The following LRRC7 variants were observed in gnomAD, a reference collection of about 807,000 sequenced individuals.
LRRC7 encodes leucine-rich repeat-containing protein 7.
Under a neutral mutation model 175.7 loss-of-function variants are expected in LRRC7, and 23 were observed. The ratio of observed to expected loss-of-function variants is 0.13; its 90% CI spans 0.09 to 0.19. LRRC7 has a LOEUF of 0.19. Among genes scored for constraint, LRRC7 ranks in the 10% least tolerant of loss-of-function variants. The pLI, the probability that LRRC7 is intolerant of heterozygous loss-of-function variation, is 1.00. For missense variants in LRRC7, 1,354 were observed against 1,904.7 expected, an observed-to-expected ratio of 0.71 and a Z score of 5.38; for synonymous variants, 685 against 680.9, an observed-to-expected ratio of 1.01 and a Z score of -0.09.
At chr1:69,816,401 A>G (rs979266312) in intron 4 of LRRC7, among the ~76,000 whole-genome samples, 13 of 152,204 alleles carry the variant, frequency 8.5e-5, no homozygotes, top group Admixed American at 3.3e-4. Context: ...ATTTCAACAC[A>G]TGAACTTGGG....
intron 8 of LRRC7, among the ~76,000 whole-genome samples, chr1:69,939,532 G>C (rs1194383556): frequency 6.6e-6 from 1 of 152,006 alleles, no homozygotes; most frequent in Non-Finnish European, 1.5e-5. Flanking sequence ...GCCTAACATG[G>C]AGCCACTTGT....
chr1:69,809,032 A>T (rs1370069502), intron 4 of LRRC7, among the ~76,000 whole-genome samples: 1 of 152,210 alleles, frequency 6.6e-6, no homozygotes, highest in Non-Finnish European at 1.5e-5. Context: ...TGCTAGCCAG[A>T]CTAATAAAGA....
chr1:69,679,692 T>A (rs1415758653), intron 2 of LRRC7, among the ~76,000 whole-genome samples: 1 of 152,172 alleles, frequency 6.6e-6, no homozygotes, highest in African/African-American at 2.4e-5. Flanking sequence ...GTTTCTTCTC[T>A]ATGCTTCAAG....
At chr1:69,888,275 G>C (rs1214034941) in intron 7 of LRRC7, among the ~76,000 whole-genome samples, 6 of 152,158 alleles carry the variant, frequency 3.9e-5, no homozygotes, top group African/African-American at 1.2e-4. Context: ...GCGAGACTCT[G>C]TGGGCGTAGG....
intron 23 of LRRC7, among the ~76,000 whole-genome samples, chr1:70,058,256 C>A (rs1661303329): frequency 6.6e-6 from 1 of 152,126 alleles, no homozygotes; most frequent in Admixed American, 6.5e-5. Flanking sequence ...GTGATCTGCC[C>A]ACCTCAGCTT....
At chr1:69,776,777 C>A (rs1430459289) in intron 3 of LRRC7, among the ~76,000 whole-genome samples, 1 of 150,616 alleles carries the variant, frequency 6.6e-6, no homozygotes, top group East Asian at 2.0e-4. Context: ...TTCCTGGTAA[C>A]AATGCAACCT....
At position 70,125,552 on chromosome 1, in the gene LRRC7, G is replaced by A. The variant is rs1161807778; in HGVS notation, c.*3665G>A. Among the ~76,000 whole-genome samples, 1 of 152,142 alleles carries A rather than the reference G, an allele frequency of 6.6e-6. No homozygotes were observed. Among genetic ancestry groups the A allele is most frequent in the African/African-American group, 2.4e-5 (1 of 41,426 alleles). The stretch of plus-strand genomic sequence containing the variant: ...TCACGCCTGTAATCCCAGCACTTTG[G>A]GAGGCCGAGGCGGGCGGATCACGAG... On this transcript the variant is annotated 3_prime_UTR_variant, in exon 27 of 27. Coordinates refer to ENST00000651989, the MANE Select transcript of LRRC7 (RefSeq NM_001370785.2).
At chr1:70,029,918 C>T (rs371195800) in intron 18 of LRRC7, among the ~76,000 whole-genome samples, 27 of 152,236 alleles carry the variant, frequency 1.8e-4, no homozygotes, top group African/African-American at 6.5e-4. Context: ...CCTTTGCAAA[C>T]TTGCTTTTGC....
intron 7 of LRRC7, among the ~76,000 whole-genome samples, chr1:69,905,925 T>A (rs1646292266): frequency 6.6e-6 from 1 of 152,232 alleles, no homozygotes; most frequent in South Asian, 2.1e-4. Flanking sequence ...ACCTGTTGTT[T>A]CCTGACTTTT....
chr1:69,928,100 C>T (rs1185776634), intron 7 of LRRC7, among the ~76,000 whole-genome samples: 4 of 152,164 alleles, frequency 2.6e-5, no homozygotes, highest in African/African-American at 4.8e-5. Context: ...GTATCAGCAG[C>T]GGTGGCTGCA....
chr1:69,630,984 G>C lies in LRRC7; in HGVS notation c.3-47397G>C, dbSNP rs556133863. On this transcript the variant is annotated intron_variant, in intron 1 of 26. Coordinates refer to ENST00000651989, the MANE Select transcript of LRRC7 (RefSeq NM_001370785.2). ...ACATGCTTTAAAAATCACTCCTTTT[G>C]AGGAAATTGTGTACATTGACTGCCT... 7.2e-4 allele frequency among the ~76,000 whole-genome samples: 110 copies of C among 151,970 alleles called. 1 individual carries two copies. The highest frequency in any genetic ancestry group is 7.1e-3 in the South Asian group (34 of 4,804).
chr1:69,585,568 T>C (rs988872425), intron 1 of LRRC7, among the ~76,000 whole-genome samples: 2 of 152,200 alleles, frequency 1.3e-5, no homozygotes, highest in Admixed American at 6.5e-5. Flanking sequence ...CATAGTGTAA[T>C]ATATTTACAA....
At chr1:70,100,653 T>C (rs1664743555) in intron 25 of LRRC7, among the ~76,000 whole-genome samples, 2 of 152,144 alleles carry the variant, frequency 1.3e-5, no homozygotes, top group African/African-American at 2.4e-5. Context: ...TAGAAGACTT[T>C]AGTCAGTTGC....
chr1:69,634,599 C>A (rs558762300), intron 1 of LRRC7, among the ~76,000 whole-genome samples: 4 of 152,218 alleles, frequency 2.6e-5, no homozygotes, highest in African/African-American at 9.6e-5. Context: ...AGCAGATGCT[C>A]ACTCTGTCAA....
At chr1:69,919,783 G>T in intron 7 of LRRC7, 1 of 903,964 alleles carries the variant, frequency 1.1e-6, no homozygotes, top group South Asian at 1.5e-5. Context: ...GGACGGGGGA[G>T]ATGAGCGGGA....
rs570481680 is a variant in LRRC7 at position 70,124,773 on chromosome 1, A to C, written c.*2886A>C. Among the ~76,000 whole-genome samples, 7 of 152,082 alleles carry C rather than the reference A, an allele frequency of 4.6e-5. No individual in the cohort carries two copies. Among genetic ancestry groups the C allele is most frequent in the African/African-American group, 1.7e-4 (7 of 41,554 alleles). ...TGCCTTTTAAAAAAAAAAAAGAAAA[A>C]TCAATAACAACAAAAAGAACTGGAA... On this transcript the variant is annotated 3_prime_UTR_variant, in exon 27 of 27. Transcript: ENST00000651989.
intron 24 of LRRC7, among the ~76,000 whole-genome samples, chr1:70,077,313 ATCT>A (rs1490486364): frequency 7.2e-5 from 11 of 152,152 alleles, no homozygotes; most frequent in African/African-American, 2.7e-4. Context: ...TGTAAAGATA[ATCT>A]TCTCCCTCTC....
intron 8 of LRRC7, among the ~76,000 whole-genome samples, chr1:69,937,227 A>G (rs751990082): frequency 1.1e-4 from 16 of 152,132 alleles, no homozygotes; most frequent in Non-Finnish European, 2.2e-4. Flanking sequence ...TGAAGCAACT[A>G]TCATTGTCTG....
intron 26 of LRRC7, among the ~76,000 whole-genome samples, chr1:70,120,875 A>G (rs889641344): frequency 6.6e-6 from 1 of 152,070 alleles, no homozygotes; most frequent in Non-Finnish European, 1.5e-5. Context: ...ATAAGGTTGT[A>G]TTTAGTTTTG....
Sources: allele counts gnomAD v4.1 joint callset (sites outside exome capture counted in the v4.1 genomes callset), GRCh38; gene constraint gnomAD v4.1.1; transcripts MANE v1.5; gene names NCBI Gene and HGNC (gene_info 2026-07-23, HGNC 2026-07-21).